The following SYN3 variants were observed in gnomAD, a reference collection of about 807,000 sequenced individuals.
The protein encoded by SYN3 is synapsin-3.
A neutral mutation model predicts 65.8 loss-of-function variants in SYN3; 35 were observed. The observed-to-expected ratio is 0.53, with a 90% CI of 0.41 to 0.70. The LOEUF is 0.70. SYN3 is among the 30% of genes least tolerant of loss of function. The pLI, the probability that SYN3 is intolerant of heterozygous loss-of-function variation, is 0.00. For missense variants in SYN3, 680 were observed against 749.0 expected, an observed-to-expected ratio of 0.91 and a Z score of 1.08; for synonymous variants, 270 against 292.9, an observed-to-expected ratio of 0.92 and a Z score of 0.80.
chr22:32,595,667 T>C (rs2059188598), intron 7 of SYN3, among the ~76,000 whole-genome samples: 1 of 152,138 alleles, frequency 6.6e-6, no homozygotes, highest in Non-Finnish European at 1.5e-5. Flanking sequence ...CAAACTGTAA[T>C]CCCCCATGTT....
chr22:32,770,281 C>A (rs1263043543), intron 6 of SYN3, among the ~76,000 whole-genome samples: 2 of 152,184 alleles, frequency 1.3e-5, no homozygotes, highest in African/African-American at 2.4e-5. Flanking sequence ...GCCCCACAAC[C>A]AATCTCTTCT....
chr22:33,011,579 T>G (rs1024545957), intron 1 of SYN3, among the ~76,000 whole-genome samples: 1 of 152,158 alleles, frequency 6.6e-6, no homozygotes, highest in South Asian at 2.1e-4. Context: ...CAGGGTAATA[T>G]TAACCTCACA....
At chr22:32,776,905 G>A (rs953747839) in intron 6 of SYN3, among the ~76,000 whole-genome samples, 1 of 152,100 alleles carries the variant, frequency 6.6e-6, no homozygotes, top group Non-Finnish European at 1.5e-5. Flanking sequence ...CCTATCCCTT[G>A]AGCACACACA....
intron 6 of SYN3, among the ~76,000 whole-genome samples, chr22:32,644,582 C>T (rs78216625): frequency 0.013 from 2,008 of 152,296 alleles, 16 homozygotes; most frequent in Admixed American, 0.018. Context: ...GACTGACGCT[C>T]GCACATGCAG....
intron 6 of SYN3, among the ~76,000 whole-genome samples, chr22:32,677,472 C>T (rs1459300730): frequency 6.6e-6 from 1 of 152,086 alleles, no homozygotes; most frequent in African/African-American, 2.4e-5. Flanking sequence ...ATTTTGAAAC[C>T]ATTGAAAGAA....
At chr22:32,862,971 T>A (rs1250747410) in intron 6 of SYN3, 1 of 152,698 alleles carries the variant, frequency 6.5e-6, no homozygotes, top group Non-Finnish European at 1.5e-5. Flanking sequence ...TGTCTTGTAA[T>A]GTTGCATAAT....
intron 6 of SYN3, among the ~76,000 whole-genome samples, chr22:32,741,347 ATTTTTTTTTTT>A (rs71187210): frequency 5.1e-5 from 5 of 98,650 alleles, no homozygotes; most frequent in Non-Finnish European, 8.0e-5. Context: ...CTAGAGCCCA[ATTTTTTTTTTT>A]TTTTTTTTTT....
At chr22:32,914,376 T>A (rs1345541645) in intron 4 of SYN3, among the ~76,000 whole-genome samples, 1 of 152,150 alleles carries the variant, frequency 6.6e-6, no homozygotes, top group Non-Finnish European at 1.5e-5. Context: ...GTTATTTGGC[T>A]ACTCTGTGAC....
chr22:32,853,369 C>T (rs759889564), intron 6 of SYN3, among the ~76,000 whole-genome samples: 6 of 152,156 alleles, frequency 3.9e-5, no homozygotes, highest in Non-Finnish European at 8.8e-5. Flanking sequence ...TGATGTACAC[C>T]AGCATCCAGA....
chr22:32,979,053 C>T (rs550980599), intron 3 of SYN3, among the ~76,000 whole-genome samples: 2 of 151,720 alleles, frequency 1.3e-5, no homozygotes, highest in East Asian at 1.9e-4. Flanking sequence ...AAAAATTAGC[C>T]GGGCATGGTG....
intron 13 of SYN3, among the ~76,000 whole-genome samples, chr22:32,515,877 C>A (rs1207892280): frequency 6.6e-6 from 1 of 152,024 alleles, no homozygotes; most frequent in African/African-American, 2.4e-5. Context: ...CAGCTCACTG[C>A]AAGCTCCGCC....
intron 1 of SYN3, among the ~76,000 whole-genome samples, chr22:33,013,366 T>C (rs2053396295): frequency 6.6e-6 from 1 of 152,138 alleles, no homozygotes; most frequent in African/African-American, 2.4e-5. Context: ...CGAAATTCAC[T>C]TGGGGCAGGA....
At chr22:32,578,655 A>G (rs1261798179) in intron 7 of SYN3, among the ~76,000 whole-genome samples, 1 of 152,264 alleles carries the variant, frequency 6.6e-6, no homozygotes, top group Non-Finnish European at 1.5e-5. Context: ...TGAAGATATC[A>G]CAATTCCTTG....
At chr22:32,973,764 T>C (rs912714699) in intron 3 of SYN3, among the ~76,000 whole-genome samples, 1 of 152,214 alleles carries the variant, frequency 6.6e-6, no homozygotes, top group Admixed American at 6.5e-5. Context: ...CCCCAGCTTC[T>C]TCATCTGCTA....
intron 7 of SYN3, 35 bp from the exon 8 acceptor site, chr22:32,541,748 AC>A (rs970235213): frequency 1.2e-6 from 2 of 1,601,186 alleles, no homozygotes; most frequent in Non-Finnish European, 1.7e-6. Context: ...AGTGCCACCC[AC>A]CCCGTGTTCA....
chr22:32,581,967 T>C (rs2058954133), intron 7 of SYN3, among the ~76,000 whole-genome samples: 1 of 151,776 alleles, frequency 6.6e-6, no homozygotes, highest in African/African-American at 2.4e-5. Flanking sequence ...ACCCGGATAA[T>C]TTTTATATTT....
intron 6 of SYN3, among the ~76,000 whole-genome samples, chr22:32,663,874 A>AAG (rs1406970079): frequency 6.6e-6 from 1 of 152,240 alleles, no homozygotes; most frequent in Non-Finnish European, 1.5e-5. Flanking sequence ...ATGACAAGTC[A>AAG]AGAGAGAGAT....
rs1555920141 is a variant in SYN3 at position 32,667,802 on chromosome 22, T to TTTCTTTC, written c.712-71067_712-71066insGAAAGAA. Among the ~76,000 whole-genome samples the TTTCTTTC allele has an allele frequency of 6.3e-3, 903 of 143,958 alleles. 6 individuals carry two copies. The highest frequency in any genetic ancestry group is 0.029 in the East Asian group (133 of 4,588). The allele number at this position is 143,958 out of a possible 152,430, so 94.4% of individuals were successfully genotyped here. On this transcript the variant is annotated intron_variant, in intron 6 of 13. Transcript: ENST00000358763. ...ATCACTTTTCTTTCTTTCTTTCTTTTTTTTTTTTTTTTTGAGACGGAGTGT... is the reference window on the plus strand; with the variant it reads ...ATCACTTTTCTTTCTTTCTTTCTTTTTTCTTTCTTTTTTTTTTTTTGAGACGGAGTGT...
At chr22:32,920,743 C>T (rs937633989) in intron 4 of SYN3, among the ~76,000 whole-genome samples, 3 of 152,148 alleles carry the variant, frequency 2.0e-5, no homozygotes, top group Non-Finnish European at 4.4e-5. Context: ...CTCTGAGCTA[C>T]AGGAGATGGG....
Sources: gnomAD v4.1 joint callset for allele counts (sites outside exome capture counted in the v4.1 genomes callset) on GRCh38, gnomAD v4.1.1 for gene constraint, MANE v1.5 for transcripts, NCBI Gene and HGNC (gene_info 2026-07-23, HGNC 2026-07-21) for gene names.